Variants in KCTD8 observed in about 807,000 individuals in gnomAD.
The protein encoded by KCTD8 is BTB/POZ domain-containing protein KCTD8.
A neutral mutation model predicts 31.5 loss-of-function variants in KCTD8; 27 were observed. The ratio of observed to expected loss-of-function variants is 0.86; its 90% CI spans 0.63 to 1.18. The LOEUF (loss-of-function observed/expected upper bound fraction) is 1.18. Among genes scored for constraint, KCTD8 ranks in the 50% most tolerant of loss-of-function variants. KCTD8 has a pLI of 0.00. For missense variants in KCTD8, 658 were observed against 647.7 expected (o/e 1.02, Z -0.17); for synonymous variants, 290 against 280.0 (o/e 1.04, Z -0.36).
intron 1 of KCTD8, among the ~76,000 whole-genome samples, chr4:44,263,303 A>G (rs1560409326): frequency 6.6e-6 from 1 of 152,152 alleles, no homozygotes; most frequent in South Asian, 2.1e-4. Flanking sequence ...TACTGGTTAC[A>G]CAAACCATGA....
chr4:44,216,318 T>C (rs1436504983), intron 1 of KCTD8, among the ~76,000 whole-genome samples: 1 of 152,174 alleles, frequency 6.6e-6, no homozygotes, highest in Non-Finnish European at 1.5e-5. Context: ...TTAAATCGTA[T>C]TGTGATATTA....
intron 1 of KCTD8, among the ~76,000 whole-genome samples, chr4:44,200,273 T>C (rs1254539933): frequency 1.3e-5 from 2 of 150,194 alleles, no homozygotes; most frequent in African/African-American, 2.5e-5. Context: ...TATTCCAAAA[T>C]ACCAAGAAGG....
At chr4:44,323,698 C>T (rs1167886314) in intron 1 of KCTD8, among the ~76,000 whole-genome samples, 3 of 151,664 alleles carry the variant, frequency 2.0e-5, no homozygotes, top group East Asian at 3.9e-4. Context: ...TACTTTTGTA[C>T]CAACCTAATA....
In KCTD8 at chr4:44,363,694, G is replaced by A. The variant is rs191724883; in HGVS notation, c.961+83869C>T. ...TCTCTATCCTAGACAAAAGACTCCT[G>A]GTATACACACAGTAGTCACTTTTAT... On this transcript the variant is annotated intron_variant, in intron 1 of 1. Transcript: ENST00000360029. 1.6e-3 allele frequency among the ~76,000 whole-genome samples: 250 copies of A among 152,090 alleles called. 2 individuals carry two copies. The highest frequency in any genetic ancestry group is 2.8e-3 in the Non-Finnish European group (188 of 67,972).
At chr4:44,358,504 C>A (rs7679046) in intron 1 of KCTD8, among the ~76,000 whole-genome samples, 15,125 of 152,114 alleles carry the variant, frequency 0.099, 833 homozygotes, top group African/African-American at 0.13. Context: ...AATTTACACT[C>A]CCACCAACAG....
chr4:44,372,417 G>A (rs577538221), intron 1 of KCTD8, among the ~76,000 whole-genome samples: 1 of 152,194 alleles, frequency 6.6e-6, no homozygotes, highest in East Asian at 1.9e-4. Flanking sequence ...TATAGGCACA[G>A]CATGGAGAAA....
At chr4:44,220,172 TGGGATAGCTCA>T (rs1560398202) in intron 1 of KCTD8, among the ~76,000 whole-genome samples, 1 of 151,998 alleles carries the variant, frequency 6.6e-6, no homozygotes, top group African/African-American at 2.4e-5. Flanking sequence ...TACAGAAAAA[TGGGATAGCTCA>T]GGGTTTCTTG....
Position 44,447,725 on chromosome 4 carries a change from A to T in KCTD8, c.799T>A (p.Ser267Thr), listed in dbSNP as rs1362239075. ...DPDRQPEKYTSRFYLKFTYLE... is the reference protein window; with the variant it reads ...DPDRQPEKYTTRFYLKFTYLE... ...TAGGTGAACTTGAGGTAGAAGCGGG[A>T]CGTGTACTTCTCCGGCTGCCGGTCG... is the stretch of plus-strand genomic sequence containing the variant. The change falls in exon 1 of 2, where the codon TCC (serine) becomes ACC (threonine). Residue 267 changes from serine to threonine, a missense_variant. By Grantham distance (58) the Ser-to-Thr change is moderately conservative. Coordinates refer to ENST00000360029, the MANE Select transcript of KCTD8 (RefSeq NM_198353.3). 6.2e-7 allele frequency: 1 copy of T among 1,612,210 alleles called. No homozygotes were observed. The highest frequency in any genetic ancestry group is 1.1e-5 in the South Asian group (1 of 90,712).
chr4:44,445,431 G>A (rs2109487638), intron 1 of KCTD8, among the ~76,000 whole-genome samples: 1 of 152,096 alleles, frequency 6.6e-6, no homozygotes, highest in East Asian at 1.9e-4. Flanking sequence ...TTAATAATAT[G>A]AGTACTCTGA....
At chr4:44,183,871 A>T (rs559363267) in intron 1 of KCTD8, among the ~76,000 whole-genome samples, 31 of 152,348 alleles carry the variant, frequency 2.0e-4, no homozygotes, top group African/African-American at 6.3e-4. Context: ...CTTTAATAGT[A>T]CTAAACTCAA....
chr4:44,248,452 CA>C (rs545805566), intron 1 of KCTD8, among the ~76,000 whole-genome samples: 1,566 of 139,582 alleles, frequency 0.011, 18 homozygotes, highest in Middle Eastern at 0.047. Flanking sequence ...CCTACCCAAC[CA>C]AAAAAAAAAA....
At chr4:44,248,557 C>G (rs1261935878) in intron 1 of KCTD8, among the ~76,000 whole-genome samples, 1 of 151,794 alleles carries the variant, frequency 6.6e-6, no homozygotes, top group Admixed American at 6.6e-5. Flanking sequence ...TTCTCCCTGT[C>G]TGGGGTGCCT....
intron 1 of KCTD8, among the ~76,000 whole-genome samples, chr4:44,374,236 A>G (rs748465885): frequency 3.3e-5 from 5 of 152,218 alleles, no homozygotes; most frequent in Non-Finnish European, 7.3e-5. Context: ...TTGAATGGAA[A>G]GGACAATCAA....
chr4:44,192,742 T>G (rs1713803600), intron 1 of KCTD8, among the ~76,000 whole-genome samples: 1 of 152,132 alleles, frequency 6.6e-6, no homozygotes, highest in South Asian at 2.1e-4. Context: ...GATTAACATT[T>G]GAGTCAGTGA....
intron 1 of KCTD8, among the ~76,000 whole-genome samples, chr4:44,312,722 T>C (rs1388189376): frequency 6.6e-6 from 1 of 152,188 alleles, no homozygotes; most frequent in Non-Finnish European, 1.5e-5. Context: ...CACATATCCA[T>C]AGATTATTTG....
chr4:44,392,238 G>C (rs946397910), intron 1 of KCTD8, among the ~76,000 whole-genome samples: 1 of 151,966 alleles, frequency 6.6e-6, no homozygotes, highest in East Asian at 1.9e-4. Flanking sequence ...CCCTAAGAAA[G>C]GACATTAAGA....
chr4:44,177,148 C>A (rs1403715781), intron 1 of KCTD8, among the ~76,000 whole-genome samples: 1 of 152,078 alleles, frequency 6.6e-6, no homozygotes, highest in Non-Finnish European at 1.5e-5. Context: ...GCTGGACTTA[C>A]CCAGATCCAT....
chr4:44,201,486 C>T (rs1714147163), intron 1 of KCTD8, among the ~76,000 whole-genome samples: 1 of 151,886 alleles, frequency 6.6e-6, no homozygotes, highest in African/African-American at 2.4e-5. Flanking sequence ...AAATAGAAAA[C>T]TCAGAAATAA....
chr4:44,389,550 G>A (rs1392711572), intron 1 of KCTD8, among the ~76,000 whole-genome samples: 1 of 151,734 alleles, frequency 6.6e-6, no homozygotes, highest in Non-Finnish European at 1.5e-5. Context: ...AATTCATAGA[G>A]ACACTAAGCA....
Sources: gnomAD v4.1 joint callset for allele counts (sites outside exome capture counted in the v4.1 genomes callset) on GRCh38, gnomAD v4.1.1 for gene constraint, MANE v1.5 for transcripts, NCBI Gene and HGNC (gene_info 2026-07-23, HGNC 2026-07-21) for gene names.